Variants in SP140 observed in about 807,000 individuals in gnomAD.
The protein encoded by SP140 is SP140 nuclear body protein.
A neutral mutation model predicts 125.0 loss-of-function variants in SP140; 81 were observed. The observed-to-expected ratio is 0.65, with a 90% confidence interval of 0.54 to 0.78. The LOEUF is 0.78. Among genes scored for constraint, SP140 ranks in the 30% least tolerant of loss-of-function variants. SP140 has a pLI of 0.00. For missense variants in SP140, 858 were observed against 1,037.0 expected (o/e 0.83, Z 2.37); for synonymous variants, 312 against 354.0 (o/e 0.88, Z 1.33).
chr2:230,299,802 T>C (rs2058118281), intron 22 of SP140, among the ~76,000 whole-genome samples: 1 of 152,186 alleles, frequency 6.6e-6, no homozygotes, highest in South Asian at 2.1e-4. Flanking sequence ...CTGGCCTTGC[T>C]GGCTGCCTGG....
rs2049950785 is a variant in SP140, at chr2:230,249,050, AT to A, written c.976+83del. The A allele has an allele frequency of 2.9e-6, 3 of 1,017,882 alleles. No individual in the cohort carries two copies. In the East Asian group the frequency reaches 7.5e-5, roughly 25 times the overall value. The allele number at this position is 1,017,882 out of a possible 1,614,324, so 63.1% of individuals were successfully genotyped here. A position where few individuals can be genotyped will look rare whatever the true frequency, so the allele number is the denominator to read the frequency against. On this transcript the variant is annotated intron_variant, in intron 9 of 26. Transcript: ENST00000392045. ...TGGAAAAAAAGTTTCCCTTTCTCCC[AT>A]CCTACCCTTCCCTTCTTCACATTCG...
At chr2:230,238,725 A>T in intron 3 of SP140, 2 of 1,448,806 alleles carry the variant, frequency 1.4e-6, no homozygotes, top group Non-Finnish European at 1.9e-6. Context: ...ATATTTGCAG[A>T]TATGTTCAAA....
chr2:230,210,449 T>C (rs1006452894), intron 1 of SP140, among the ~76,000 whole-genome samples: 1 of 152,242 alleles, frequency 6.6e-6, no homozygotes, highest in Non-Finnish European at 1.5e-5. Context: ...GGGAATGTCT[T>C]TGCTGTATGA....
At chr2:230,209,895 C>A in intron 1 of SP140, 1 of 1,230,956 alleles carries the variant, frequency 8.1e-7, no homozygotes, top group Non-Finnish European at 1.2e-6. Context: ...TCTGAATTCA[C>A]CCTTCTGACC....
intron 9 of SP140, among the ~76,000 whole-genome samples, chr2:230,249,750 CTG>C (rs1047119599): frequency 6.6e-6 from 1 of 152,102 alleles, no homozygotes; most frequent in African/African-American, 2.4e-5. Context: ...AGAGTGAAAA[CTG>C]TTGTCCAAGG....
At chr2:230,281,848 A>G (rs1328071310) in intron 15 of SP140, among the ~76,000 whole-genome samples, 1 of 152,166 alleles carries the variant, frequency 6.6e-6, no homozygotes, top group East Asian at 1.9e-4. Flanking sequence ...GCTATTATGA[A>G]AACTCTGCTG....
At chr2:230,206,736 C>T (rs2043904579) in intron 1 of SP140, among the ~76,000 whole-genome samples, 1 of 150,000 alleles carries the variant, frequency 6.7e-6, no homozygotes, top group Non-Finnish European at 1.5e-5. Flanking sequence ...GTCCCGGAGA[C>T]ACAGAAATGT....
At chr2:230,238,543 C>A in intron 3 of SP140, 162 bp downstream of exon 3, 1 of 788,456 alleles carries the variant, frequency 1.3e-6, no homozygotes, top group Non-Finnish European at 2.0e-6. Flanking sequence ...GTCCCATGTC[C>A]TTATGGAGTT....
chr2:230,315,902 G>T (rs1037721228), downstream of SP140, among the ~76,000 whole-genome samples: 1 of 152,162 alleles, frequency 6.6e-6, no homozygotes, highest in African/African-American at 2.4e-5. Context: ...GTCAAATATG[G>T]TATCTTTATT....
At chr2:230,252,603 G>A (rs1013215559) in intron 10 of SP140, among the ~76,000 whole-genome samples, 10 of 152,164 alleles carry the variant, frequency 6.6e-5, no homozygotes, top group Middle Eastern at 3.2e-3. Flanking sequence ...CAAGGTTTCT[G>A]ACAGTCTCTA....
rs1044002114 is a variant in SP140, at chr2:230,211,838, G to C, written c.-322-1816G>C. ...GGATCGAAGAGGACCCCTCTTCTCAGTACTGGAGAGCTCAGAATCCATGGT... is the reference window on the plus strand; with the variant it reads ...GGATCGAAGAGGACCCCTCTTCTCACTACTGGAGAGCTCAGAATCCATGGT... On this transcript the variant is annotated intron_variant, in intron 1 of 4. Transcript: ENST00000456542. The surrounding 1 kb of genome is among the most constrained non-coding windows in gnomAD (Gnocchi z 4.2). 6.6e-6 allele frequency among the ~76,000 whole-genome samples: 1 copy of C among 152,158 alleles called. No individual in the cohort carries two copies. Among genetic ancestry groups the C allele is most frequent in the Non-Finnish European group, 1.5e-5 (1 of 68,012 alleles).
intron 3 of SP140, among the ~76,000 whole-genome samples, chr2:230,217,934 T>G (rs1255910824): frequency 6.6e-6 from 1 of 152,200 alleles, no homozygotes; most frequent in Non-Finnish European, 1.5e-5. Flanking sequence ...AATAAAAGCA[T>G]GAGGGCTGAG....
At chr2:230,221,595 A>G (rs2045825045), upstream of SP140, 1 of 1,046,870 alleles carries the variant, frequency 9.6e-7, no homozygotes, top group Admixed American at 2.0e-5. Flanking sequence ...ACAGCTGAGG[A>G]GAGGGTGCAT....
In SP140 at chr2:230,238,272, C is replaced by G. The variant is rs1383707341; in HGVS notation, c.297C>G (p.Leu99=). 1 of 1,613,562 alleles carries G rather than the reference C, an allele frequency of 6.2e-7. No homozygotes were observed. The highest frequency in any genetic ancestry group is 8.5e-7 in the Non-Finnish European group (1 of 1,179,628). ...TGACAAGAGTGATGTATTGTGTACT[C>G]AGTGAACTGGAGAAGACATTTGGCT... is the stretch of plus-strand genomic sequence containing the variant. ...VPVTRVMYCV[L]SELEKTFGWS... The change falls in exon 3 of 27, where the codon CTC becomes CTG. Residue 99 remains leucine, a synonymous_variant. Coordinates refer to ENST00000392045, the MANE Select transcript of SP140 (RefSeq NM_007237.5).
At chr2:230,291,527 C>G (rs1224430066) in intron 19 of SP140, among the ~76,000 whole-genome samples, 2 of 152,170 alleles carry the variant, frequency 1.3e-5, no homozygotes, top group Non-Finnish European at 2.9e-5. Context: ...TAATACATGC[C>G]CTTTCCTGAC....
Position 230,211,589 on chromosome 2 carries a change from A to T in SP140, c.-322-2065A>T. On this transcript the variant is annotated intron_variant, in intron 1 of 4. Transcript: ENST00000456542. This position sits in a 1 kb window ranked among gnomAD's most constrained non-coding sequence, Gnocchi z 4.2. ...GAAGAAAAAGTTTTAGATCTCAGGA[A>T]CAGCAAGCAGGGACCAGAATGAGGA... 8.0e-7 allele frequency: 1 copy of T among 1,249,738 alleles called. No individual in the cohort carries two copies. The highest frequency in any genetic ancestry group is 1.2e-6 in the Non-Finnish European group (1 of 847,220). 77.4% of individuals were successfully genotyped at this position (1,249,738 alleles called of 1,614,324 possible). A position where few individuals can be genotyped will look rare whatever the true frequency, so the allele number is the denominator to read the frequency against.
At chr2:230,212,992 G>A (rs1329831889) in intron 1 of SP140, 2 of 1,614,052 alleles carry the variant, frequency 1.2e-6, no homozygotes, top group Admixed American at 1.7e-5. Flanking sequence ...AGTAGGATTG[G>A]TGTGTCTCTG....
At chr2:230,190,724 A>AT in the SP140 span, among the ~76,000 whole-genome samples, 1 of 152,016 alleles carries the variant, frequency 6.6e-6, no homozygotes, top group Non-Finnish European at 1.5e-5. Flanking sequence ...ATCTTCAGTT[A>AT]TTTTTTGTAT....
chr2:230,311,720 T>C, intron 26 of SP140, 125 bp downstream of exon 26: 2 of 957,550 alleles, frequency 2.1e-6, no homozygotes, highest in Non-Finnish European at 3.1e-6. Flanking sequence ...CTGGAAGTGA[T>C]TGATTGGTTT....
Sources: allele counts gnomAD v4.1 joint callset (sites outside exome capture counted in the v4.1 genomes callset), GRCh38; gene constraint gnomAD v4.1.1; non-coding constraint Gnocchi (gnomAD v3.1); transcripts MANE v1.5; gene names NCBI Gene and HGNC (gene_info 2026-07-23, HGNC 2026-07-21).